The following CDK14 variants were observed in gnomAD, a reference collection of about 807,000 sequenced individuals.
CDK14 encodes cyclin-dependent kinase 14.
CDK14 carries 34 observed loss-of-function variants against 60.7 expected under a neutral mutation model. The observed-to-expected ratio is 0.56, with a 90% CI of 0.43 to 0.75. The LOEUF (loss-of-function observed/expected upper bound fraction) is 0.75. CDK14 is among the 30% of genes least tolerant of loss of function. The pLI is 0.00. For synonymous variants in CDK14, 197 were observed against 203.7 expected, an observed-to-expected ratio of 0.97 and a Z score of 0.28; for missense variants, 482 against 564.1, an observed-to-expected ratio of 0.85 and a Z score of 1.47.
intron 12 of CDK14, among the ~76,000 whole-genome samples, chr7:91,108,594 G>A (rs1284646714): frequency 1.3e-5 from 2 of 152,140 alleles, no homozygotes; most frequent in South Asian, 4.2e-4. Flanking sequence ...TAATAGTGGT[G>A]CCTGTATGGC....
intron 3 of CDK14, among the ~76,000 whole-genome samples, chr7:90,733,450 G>C (rs974429821): frequency 2.0e-5 from 3 of 152,162 alleles, no homozygotes; most frequent in Non-Finnish European, 4.4e-5. Flanking sequence ...TTGTTTGGGA[G>C]TCTAAGTCTC....
intron 5 of CDK14, among the ~76,000 whole-genome samples, chr7:90,856,475 A>C (rs1790820792): frequency 6.6e-6 from 1 of 151,472 alleles, no homozygotes; most frequent in African/African-American, 2.5e-5. Flanking sequence ...CACAGTGTTT[A>C]TCATTGCTCT....
chr7:90,837,413 G>A (rs985742287), intron 5 of CDK14, among the ~76,000 whole-genome samples: 3 of 151,316 alleles, frequency 2.0e-5, no homozygotes, highest in South Asian at 2.1e-4. Flanking sequence ...TCAGCCTCCC[G>A]AGTAGCTGGG....
At chr7:90,998,740 T>A (rs1024337244) in intron 10 of CDK14, among the ~76,000 whole-genome samples, 1 of 151,962 alleles carries the variant, frequency 6.6e-6, no homozygotes, top group Non-Finnish European at 1.5e-5. Flanking sequence ...TACAAAAAAA[T>A]TAGCTGGGTG....
intron 11 of CDK14, among the ~76,000 whole-genome samples, chr7:91,059,821 C>G (rs1039560465): frequency 2.0e-5 from 3 of 152,178 alleles, no homozygotes; most frequent in Non-Finnish European, 4.4e-5. Context: ...TGCTTTACTT[C>G]CAAGTATGTG....
intron 2 of CDK14, among the ~76,000 whole-genome samples, chr7:90,676,824 C>G (rs753191923): frequency 4.6e-5 from 7 of 152,086 alleles, no homozygotes; most frequent in Non-Finnish European, 8.8e-5. Flanking sequence ...GCATGAGCCA[C>G]TATAGCCGGC....
intron 10 of CDK14, among the ~76,000 whole-genome samples, chr7:91,020,507 C>T (rs1227557814): frequency 6.6e-6 from 1 of 152,280 alleles, no homozygotes; most frequent in South Asian, 2.1e-4. Flanking sequence ...TACATGCATG[C>T]ATGAGTATAT....
chr7:90,692,654 G>C (rs547309558), intron 2 of CDK14: 85 of 977,956 alleles, frequency 8.7e-5, no homozygotes, highest in South Asian at 6.6e-4. Context: ...GGCCATGATG[G>C]GGTCTTCCTG....
intron 7 of CDK14, among the ~76,000 whole-genome samples, chr7:90,915,491 G>T (rs1351238572): frequency 2.6e-5 from 4 of 152,170 alleles, no homozygotes; most frequent in Non-Finnish European, 4.4e-5. Context: ...GAGTAACAAT[G>T]CCTGAGCCTG....
At chr7:91,139,806 C>CT (rs1800396179) in intron 14 of CDK14, among the ~76,000 whole-genome samples, 1 of 142,820 alleles carries the variant, frequency 7.0e-6, no homozygotes, top group African/African-American at 2.9e-5. Context: ...TTCTTTCTTT[C>CT]TTTCTTTCTT....
At chr7:90,612,812 G>C (rs1192264044) in intron 2 of CDK14, among the ~76,000 whole-genome samples, 1 of 147,242 alleles carries the variant, frequency 6.8e-6, no homozygotes, top group African/African-American at 2.5e-5. Context: ...ATTACTTTCT[G>C]TACTGTTTTA....
intron 3 of CDK14, among the ~76,000 whole-genome samples, chr7:90,738,203 A>C (rs760301809): frequency 1.3e-5 from 2 of 152,212 alleles, no homozygotes; most frequent in Non-Finnish European, 2.9e-5. Flanking sequence ...TCTGCCAGTA[A>C]CTATAGGATT....
chr7:91,176,561 G>A (rs1468929277), intron 14 of CDK14, among the ~76,000 whole-genome samples: 1 of 151,978 alleles, frequency 6.6e-6, no homozygotes, highest in African/African-American at 2.4e-5. Flanking sequence ...TAGACTGCTA[G>A]CAAGACTAAT....
At chr7:91,070,922 A>G (rs1418674850) in intron 11 of CDK14, among the ~76,000 whole-genome samples, 2 of 152,226 alleles carry the variant, frequency 1.3e-5, no homozygotes, top group Non-Finnish European at 2.9e-5. Flanking sequence ...ATAGATAAGT[A>G]TTAAAGAGTC....
chr7:90,883,142 AT>A lies in CDK14; in HGVS notation c.640-16148del, dbSNP rs997027806. Among the ~76,000 whole-genome samples the A allele has an allele frequency of 1.7e-4, 26 of 152,114 alleles. 1 individual carries two copies. The highest frequency in any genetic ancestry group is 1.5e-5 in the Non-Finnish European group (1 of 68,014). On this transcript the variant is annotated intron_variant, in intron 6 of 14. Transcript: ENST00000380050. ...ACACATAAAAAAAAAACTCCAAAAA[AT>A]AAATGAATCCAGGAACTGGTGTTTT...
At chr7:90,723,647 T>G (rs1802534313) in intron 2 of CDK14, among the ~76,000 whole-genome samples, 1 of 152,192 alleles carries the variant, frequency 6.6e-6, no homozygotes, top group Non-Finnish European at 1.5e-5. Context: ...ACTCAAGAGC[T>G]GGGGATTACA....
intron 13 of CDK14, among the ~76,000 whole-genome samples, chr7:91,116,142 A>G (rs1799602513): frequency 6.6e-6 from 1 of 152,212 alleles, no homozygotes; most frequent in Middle Eastern, 3.2e-3. Flanking sequence ...AATACACCAC[A>G]GGGCATTCTC....
intron 9 of CDK14, among the ~76,000 whole-genome samples, chr7:90,977,598 TA>T (rs1795115471): frequency 6.6e-6 from 1 of 152,126 alleles, no homozygotes; most frequent in Admixed American, 6.6e-5. Context: ...ACATCAGTCT[TA>T]CGGGAAATCA....
chr7:90,988,112 A>G (rs1451266752), intron 10 of CDK14, among the ~76,000 whole-genome samples: 3 of 152,152 alleles, frequency 2.0e-5, no homozygotes, highest in African/African-American at 7.2e-5. Context: ...TCGGTTAGTA[A>G]AAGTCTTTAT....
Sources: allele counts gnomAD v4.1 joint callset (sites outside exome capture counted in the v4.1 genomes callset), GRCh38; gene constraint gnomAD v4.1.1; transcripts MANE v1.5; gene names NCBI Gene and HGNC (gene_info 2026-07-23, HGNC 2026-07-21).